The following INTS7 variants were observed in gnomAD, a reference collection of about 807,000 sequenced individuals.
The protein encoded by INTS7 is chromosome 1 open reading frame 73.
In INTS7, 46 loss-of-function variants were observed where a neutral mutation model predicts 109.2. The observed-to-expected ratio is 0.42, with a 90% CI of 0.33 to 0.54. The LOEUF (loss-of-function observed/expected upper bound fraction) is 0.54, where lower values mean the gene tolerates loss of function less well. Among genes scored for constraint, INTS7 ranks in the 20% least tolerant of loss-of-function variants. INTS7 has a pLI of 0.07. For missense variants in INTS7, 929 were observed against 1,132.4 expected (o/e 0.82, Z 2.58); for synonymous variants, 412 against 402.9 (o/e 1.02, Z -0.27).
intron 12 of INTS7, among the ~76,000 whole-genome samples, chr1:211,975,812 G>A (rs1664393622): frequency 6.6e-6 from 1 of 152,146 alleles, no homozygotes; most frequent in Admixed American, 6.5e-5. Context: ...TGCAGTGCTT[G>A]GGACAGAACA....
intron 18 of INTS7, among the ~76,000 whole-genome samples, chr1:211,945,333 G>A (rs772251584): frequency 2.0e-5 from 3 of 152,036 alleles, no homozygotes; most frequent in Non-Finnish European, 4.4e-5. Context: ...TTGGTCTTAC[G>A]TAATTTTAAA....
At position 212,034,563 on chromosome 1, in the gene INTS7, C is replaced by T. The variant is rs1036794655; in HGVS notation, c.94+781G>A. On this transcript the variant is annotated intron_variant, in intron 1 of 19. Transcript: ENST00000366994. Reference sequence around the variant, plus strand: ...AAGGTTTCATATTACTAGTCGAGTTCTTTACTAACAAATTTCCGACCTTGC... The same window carrying T: ...AAGGTTTCATATTACTAGTCGAGTTTTTTACTAACAAATTTCCGACCTTGC... Among the ~76,000 whole-genome samples the T allele has an allele frequency of 2.0e-5, 3 of 152,264 alleles. No homozygotes were observed. In the South Asian group the frequency reaches 6.2e-4, roughly 32 times the overall value.
At chr1:211,960,867 T>G (rs1663593000) in intron 16 of INTS7, among the ~76,000 whole-genome samples, 1 of 151,814 alleles carries the variant, frequency 6.6e-6, no homozygotes, top group South Asian at 2.1e-4. Context: ...AAAATAAAAT[T>G]AGCCAAGTAT....
At chr1:211,949,562 T>G (rs1393121257) in intron 17 of INTS7, among the ~76,000 whole-genome samples, 1 of 152,220 alleles carries the variant, frequency 6.6e-6, no homozygotes, top group Non-Finnish European at 1.5e-5. Flanking sequence ...CCTACTGCCA[T>G]TTTAGTAATT....
intron 1 of INTS7, among the ~76,000 whole-genome samples, chr1:212,028,193 T>C (rs561274411): frequency 6.6e-6 from 1 of 152,306 alleles, no homozygotes; most frequent in East Asian, 1.9e-4. Flanking sequence ...CCCACACTGA[T>C]TATACTGGAG....
rs964987410 is a variant in INTS7 at position 211,967,941 on chromosome 1, C to A, written c.2051G>T (p.Arg684Leu). 22 of 1,608,174 alleles carry A rather than the reference C, an allele frequency of 1.4e-5. No homozygotes were observed. Among genetic ancestry groups the A allele is most frequent in the Non-Finnish European group, 1.9e-5 (22 of 1,177,452 alleles). ...SMEEFRSLAS[R>L]YGDLYQASFD... is the part of the protein sequence containing the mutation. The stretch of plus-strand genomic sequence containing the variant: ...AGATGCCTGGTAAAGATCTCCATAT[C>A]GAGAAGCAAGGCTTCGAAATTCTTC... The change falls in exon 15 of 20, where the codon CGA (arginine) becomes CTA (leucine). Residue 684 changes from arginine to leucine, a missense_variant. Transcript: ENST00000366994.
chr1:212,025,515 T>G (rs115700024), intron 1 of INTS7: 3,968 of 152,094 alleles, frequency 0.026, 57 homozygotes, highest in African/African-American at 0.046. Context: ...AAAAAAGAGT[T>G]AATATTCAAT....
At chr1:212,016,281 T>C (rs562556281) in intron 4 of INTS7, among the ~76,000 whole-genome samples, 1 of 152,288 alleles carries the variant, frequency 6.6e-6, no homozygotes, top group South Asian at 2.1e-4. Context: ...ATTACCAAAA[T>C]GCACCCCAGA....
chr1:212,012,107 A>G (rs1666188247), intron 4 of INTS7, among the ~76,000 whole-genome samples: 1 of 152,128 alleles, frequency 6.6e-6, no homozygotes, highest in African/African-American at 2.4e-5. Context: ...CTTTAGATGG[A>G]GTGGACGTGC....
At chr1:211,962,421 A>T (rs1463203615) in intron 16 of INTS7, among the ~76,000 whole-genome samples, 2 of 152,232 alleles carry the variant, frequency 1.3e-5, no homozygotes, top group Non-Finnish European at 2.9e-5. Flanking sequence ...TTAGACTCCC[A>T]CACAATAATG....
intron 4 of INTS7, 146 bp downstream of exon 4, chr1:212,016,740 C>A: frequency 1.6e-6 from 1 of 616,142 alleles, no homozygotes; most frequent in South Asian, 2.2e-5. Context: ...GTTTCCCCAA[C>A]ATAAGGTAAA....
intron 13 of INTS7, among the ~76,000 whole-genome samples, chr1:211,971,649 C>T (rs907955714): frequency 1.3e-5 from 2 of 152,140 alleles, no homozygotes; most frequent in Non-Finnish European, 2.9e-5. Flanking sequence ...GGGCATTGGG[C>T]TCACGCCTAT....
At chr1:212,009,337 CT>C (rs1449099593) in intron 5 of INTS7, among the ~76,000 whole-genome samples, 1 of 152,102 alleles carries the variant, frequency 6.6e-6, no homozygotes, top group Non-Finnish European at 1.5e-5. Flanking sequence ...TCTCATATAA[CT>C]GTCATCAGAT....
chr1:212,016,689 AC>A (rs1039275606), intron 4 of INTS7, among the ~76,000 whole-genome samples, 196 bp downstream of exon 4: 6 of 152,226 alleles, frequency 3.9e-5, no homozygotes, highest in Non-Finnish European at 7.3e-5. Context: ...ATTAATGCCA[AC>A]ATTTGTACTT....
intron 4 of INTS7, among the ~76,000 whole-genome samples, chr1:212,014,216 G>A (rs1666294455): frequency 6.6e-6 from 1 of 152,148 alleles, no homozygotes; most frequent in African/African-American, 2.4e-5. Flanking sequence ...TGTAATTCCA[G>A]CACTTTGGGA....
At chr1:212,004,723 C>T (rs964079926) in intron 7 of INTS7, among the ~76,000 whole-genome samples, 5 of 152,122 alleles carry the variant, frequency 3.3e-5, no homozygotes, top group African/African-American at 9.6e-5. Flanking sequence ...TAAAAAATAA[C>T]TATGAATCAA....
At chr1:211,952,940 T>C (rs1021470661) in intron 16 of INTS7, among the ~76,000 whole-genome samples, 5 of 152,150 alleles carry the variant, frequency 3.3e-5, no homozygotes, top group African/African-American at 9.7e-5. Context: ...TAATTCTTAA[T>C]CTCTTTGGTT....
chr1:211,941,681 A>AT lies in INTS7; in HGVS notation c.*142dup. 1 of 1,323,120 alleles carries AT rather than the reference A, an allele frequency of 7.6e-7. No homozygotes were observed. The highest frequency in any genetic ancestry group is 1.0e-6 in the Non-Finnish European group (1 of 985,886). 82.0% of individuals were successfully genotyped at this position (1,323,120 alleles called of 1,614,324 possible). ...CAGACAAAATTTTTAAGAAAACAAAATTTTTTCCAGAATATTACATTACAA... is the reference window on the plus strand; with the variant it reads ...CAGACAAAATTTTTAAGAAAACAAAATTTTTTTCCAGAATATTACATTACAA... On this transcript the variant is annotated 3_prime_UTR_variant, in exon 20 of 20. Transcript: ENST00000366994.
At chr1:211,967,325 A>C (rs1044831307) in intron 15 of INTS7, among the ~76,000 whole-genome samples, 4 of 151,730 alleles carry the variant, frequency 2.6e-5, no homozygotes, top group Non-Finnish European at 5.9e-5. Context: ...GGTGGCACAC[A>C]CCTGTAATCC....
Sources: gnomAD v4.1 joint callset for allele counts (sites outside exome capture counted in the v4.1 genomes callset) on GRCh38, gnomAD v4.1.1 for gene constraint, MANE v1.5 for transcripts, NCBI Gene and HGNC (gene_info 2026-07-23, HGNC 2026-07-21) for gene names.